SYNPO2: variants seen among roughly 807,000 people sequenced by gnomAD.
The protein encoded by SYNPO2 is synaptopodin-2.
A neutral mutation model predicts 85.0 loss-of-function variants in SYNPO2; 56 were observed. The ratio of observed to expected loss-of-function variants is 0.66; its 90% CI spans 0.53 to 0.82. SYNPO2 has a LOEUF of 0.82. Among genes scored for constraint, SYNPO2 ranks in the 40% least tolerant of loss-of-function variants. The pLI, the probability that SYNPO2 is intolerant of heterozygous loss-of-function variation, is 0.00. For synonymous variants in SYNPO2, 602 were observed against 591.1 expected (o/e 1.02, Z -0.27); for missense variants, 1,575 against 1,534.2 (o/e 1.03, Z -0.44).
chr4:119,041,767 C>T (rs1310471289), intron 4 of SYNPO2, among the ~76,000 whole-genome samples: 2 of 152,148 alleles, frequency 1.3e-5, no homozygotes, highest in African/African-American at 4.8e-5. Context: ...CTATTCCCTT[C>T]GTAGTGTAAC....
At position 119,031,387 on chromosome 4, in the gene SYNPO2, G is replaced by A. The variant is rs1487278549; in HGVS notation, c.2612G>A (p.Arg871Lys). ...AATGAGCTTCCAGGAATGAGTGGGA[G>A]AGGAGCTCAGCTCTTTGCTAAAAGG... Reference protein sequence around the residue: ...PSNELPGMSGRGAQLFAKRQS... With the variant: ...PSNELPGMSGKGAQLFAKRQS... The change falls in exon 4 of 5, where the codon AGA (arginine) becomes AAA (lysine). Residue 871 changes from arginine to lysine, a missense_variant. Arg to Lys is a conservative substitution (Grantham distance 26). This residue lies in a region of SYNPO2 where 1,508 missense variants were observed against 1,446.8 expected (regional missense o/e 1.04). Coordinates refer to ENST00000307142, the MANE Select transcript of SYNPO2 (RefSeq NM_133477.3). The A allele has an allele frequency of 1.9e-6, 3 of 1,614,042 alleles. No individual in the cohort carries two copies. Among genetic ancestry groups the A allele is most frequent in the Non-Finnish European group, 2.5e-6 (3 of 1,180,046 alleles).
intron 4 of SYNPO2, chr4:119,036,349 C>T (rs566867448): frequency 3.0e-6 from 3 of 985,444 alleles, no homozygotes; most frequent in Admixed American, 1.2e-4. Flanking sequence ...AGAACCAACA[C>T]TGTATTCCCA....
chr4:118,978,576 G>A (rs1017414822), intron 1 of SYNPO2, among the ~76,000 whole-genome samples: 7 of 152,098 alleles, frequency 4.6e-5, no homozygotes, highest in Non-Finnish European at 1.0e-4. Context: ...ATATATATGT[G>A]TATTCCAATG....
chr4:119,037,209 A>T, intron 4 of SYNPO2: 2 of 1,527,516 alleles, frequency 1.3e-6, no homozygotes, highest in Non-Finnish European at 1.8e-6. Flanking sequence ...TACTCAAAAT[A>T]ACAACATTCA....
At chr4:118,927,760 TA>T (rs1319980819) in intron 1 of SYNPO2, among the ~76,000 whole-genome samples, 9,538 of 116,676 alleles carry the variant, frequency 0.082, 552 homozygotes, top group Non-Finnish European at 0.089. Flanking sequence ...GATAGATAGA[TA>T]TATAGATAGA....
intron 1 of SYNPO2, among the ~76,000 whole-genome samples, chr4:118,952,316 A>C (rs895921447): frequency 6.6e-6 from 1 of 152,198 alleles, no homozygotes; most frequent in African/African-American, 2.4e-5. Flanking sequence ...TCTGATAATG[A>C]AATTTAGTAA....
At chr4:119,048,840 T>C (rs991188976) in intron 4 of SYNPO2, among the ~76,000 whole-genome samples, 1 of 152,214 alleles carries the variant, frequency 6.6e-6, no homozygotes, top group Non-Finnish European at 1.5e-5. Context: ...TGTGGGGTCT[T>C]GTAGGTCAAT....
At chr4:118,857,521 A>G (rs1314285824) in intron 1 of SYNPO2, among the ~76,000 whole-genome samples, 2 of 152,232 alleles carry the variant, frequency 1.3e-5, no homozygotes, top group Non-Finnish European at 2.9e-5. Context: ...AAATTTCTAT[A>G]CTTGCCAGTA....
At chr4:118,943,932 GCTT>G (rs1734411218) in intron 1 of SYNPO2, among the ~76,000 whole-genome samples, 1 of 152,152 alleles carries the variant, frequency 6.6e-6, no homozygotes, top group Non-Finnish European at 1.5e-5. Context: ...CAGTTATGTT[GCTT>G]TCAGTGCTAC....
At chr4:118,968,251 A>T (rs1735389052) in intron 1 of SYNPO2, among the ~76,000 whole-genome samples, 1 of 152,214 alleles carries the variant, frequency 6.6e-6, no homozygotes, top group African/African-American at 2.4e-5. Flanking sequence ...CAGGGTCAGG[A>T]GAATGTCACT....
intron 1 of SYNPO2, among the ~76,000 whole-genome samples, chr4:118,954,002 C>CTCTG (rs1412667644): frequency 1.3e-5 from 2 of 152,190 alleles, no homozygotes; most frequent in Non-Finnish European, 2.9e-5. Context: ...CCTTGTCTAT[C>CTCTG]TCTGCCCTCC....
At chr4:119,014,893 C>T (rs1301150332) in intron 1 of SYNPO2, among the ~76,000 whole-genome samples, 2 of 152,200 alleles carry the variant, frequency 1.3e-5, no homozygotes, top group Non-Finnish European at 2.9e-5. Flanking sequence ...GCTGGGAAGG[C>T]AGATATTATC....
rs187225374 is a variant in SYNPO2, at chr4:118,966,747, G to A, written c.106-56683G>A. On this transcript the variant is annotated intron_variant, in intron 1 of 4. Coordinates refer to ENST00000307142, the MANE Select transcript of SYNPO2 (RefSeq NM_133477.3). ...AGACCCCCCTCCCCTAGTTCCTCCT[G>A]TATTGGGTATTACCTGAACAAATGG... 2.5e-3 allele frequency among the ~76,000 whole-genome samples: 382 copies of A among 152,234 alleles called. 2 individuals are homozygous for A. Among genetic ancestry groups the A allele is most frequent in the African/African-American group, 8.7e-3 (363 of 41,546 alleles).
intron 1 of SYNPO2, among the ~76,000 whole-genome samples, chr4:119,014,684 T>C (rs1737460251): frequency 6.6e-6 from 1 of 152,198 alleles, no homozygotes; most frequent in Non-Finnish European, 1.5e-5. Context: ...GACCAAAATG[T>C]TTAAGAATTG....
intron 1 of SYNPO2, among the ~76,000 whole-genome samples, chr4:118,981,833 A>T (rs571701884): frequency 1.3e-5 from 2 of 152,288 alleles, no homozygotes; most frequent in South Asian, 4.1e-4. Context: ...CCTCATAATT[A>T]TTGTGCCCCA....
chr4:118,881,087 G>A (rs1450978911), intron 1 of SYNPO2, among the ~76,000 whole-genome samples: 2 of 152,014 alleles, frequency 1.3e-5, no homozygotes, highest in African/African-American at 4.8e-5. Context: ...CGGATCACAA[G>A]GTCAGGAGAT....
At chr4:119,034,940 T>C in intron 4 of SYNPO2, 1 of 985,504 alleles carries the variant, frequency 1.0e-6, no homozygotes, top group Non-Finnish European at 1.2e-6. Context: ...TTATGAGGTG[T>C]AGGGAGGCAG....
chr4:119,022,717 T>G (rs1737779370), intron 1 of SYNPO2, among the ~76,000 whole-genome samples: 1 of 98,096 alleles, frequency 1.0e-5, no homozygotes. Flanking sequence ...ATATTTTATT[T>G]TATTTTAATT....
At chr4:118,855,672 T>A (rs1272794462) in intron 1 of SYNPO2, among the ~76,000 whole-genome samples, 1 of 152,140 alleles carries the variant, frequency 6.6e-6, no homozygotes, top group East Asian at 1.9e-4. Context: ...AAATAAAATA[T>A]TTTTCAGGAA....
Sources: gnomAD v4.1 joint callset for allele counts (sites outside exome capture counted in the v4.1 genomes callset) on GRCh38, gnomAD v4.1.1 for gene constraint, gnomAD v4.1.1 regional missense constraint, MANE v1.5 for transcripts, NCBI Gene and HGNC (gene_info 2026-07-23, HGNC 2026-07-21) for gene names.